The following PYGL variants were observed in gnomAD, a reference collection of about 807,000 sequenced individuals.
PYGL encodes the protein glycogen phosphorylase L.
Under a neutral mutation model 100.1 loss-of-function variants are expected in PYGL, and 90 were observed. The observed-to-expected ratio is 0.90, with a 90% confidence interval of 0.76 to 1.07. The LOEUF (loss-of-function observed/expected upper bound fraction) is 1.07. Among genes scored for constraint, PYGL ranks in the 50% least tolerant of loss-of-function variants. PYGL has a pLI of 0.00. For missense variants in PYGL, 1,016 were observed against 1,057.6 expected, an observed-to-expected ratio of 0.96 and a Z score of 0.55; for synonymous variants, 373 against 393.0, an observed-to-expected ratio of 0.95 and a Z score of 0.60.
chr14:50,918,055 G>GTC (rs957125771), intron 7 of PYGL, among the ~76,000 whole-genome samples: 7 of 152,064 alleles, frequency 4.6e-5, no homozygotes, highest in Admixed American at 1.3e-4. Context: ...GAAGATATAT[G>GTC]AACAGCCAAC....
chr14:50,937,959 G>T, intron 1 of PYGL, 122 bp from the exon 2 acceptor site: 1 of 881,214 alleles, frequency 1.1e-6, no homozygotes, highest in Non-Finnish European at 1.8e-6. Context: ...TGTCACCACA[G>T]GTTCGAATGA....
chr14:50,923,878 T>G, intron 5 of PYGL, 91 bp downstream of exon 5: 1 of 1,449,728 alleles, frequency 6.9e-7, no homozygotes, highest in East Asian at 2.3e-5. Flanking sequence ...TGCCCTATAC[T>G]CAATATCACC....
chr14:50,913,403 G>T (rs151300082), intron 12 of PYGL: 3,773 of 162,120 alleles, frequency 0.023, 70 homozygotes, highest in Non-Finnish European at 0.033. Flanking sequence ...ATGGAGTCTC[G>T]CTCTGTCGCC....
intron 5 of PYGL, chr14:50,923,712 A>C: frequency 3.5e-6 from 1 of 287,536 alleles, no homozygotes; most frequent in South Asian, 5.0e-5. Context: ...AAAAAAAAGA[A>C]CTGACAATTT....
rs140296036 is a variant in PYGL at position 50,911,779 on chromosome 14, C to T, written c.1920G>A (p.Lys640=). The change falls in exon 16 of 20, where the codon AAG becomes AAA. Residue 640 remains lysine, a synonymous_variant. Coordinates refer to ENST00000216392, the MANE Select transcript of PYGL (RefSeq NM_002863.5). ...VVNNDPMVGS[K]LKVIFLENYR... ...AGTTCTCCAAGAAGATGACTTTCAACTTGCTTCCAACCATAGGGTCATTGT... is the reference window on the plus strand; with the variant it reads ...AGTTCTCCAAGAAGATGACTTTCAATTTGCTTCCAACCATAGGGTCATTGT... 847 of 1,614,174 alleles carry T rather than the reference C, an allele frequency of 5.2e-4. 2 individuals are homozygous for T. Among genetic ancestry groups the T allele is most frequent in the Non-Finnish European group, 6.8e-4 (806 of 1,180,014 alleles).
At chr14:50,926,812 C>T (rs550888924) in intron 4 of PYGL, among the ~76,000 whole-genome samples, 1 of 145,850 alleles carries the variant, frequency 6.9e-6, no homozygotes, top group Admixed American at 6.9e-5. Context: ...AAAATGATGA[C>T]ATCAACAAAG....
intron 3 of PYGL, 29 bp from the exon 4 acceptor site, chr14:50,931,805 T>C (rs1195035155): frequency 3.1e-6 from 5 of 1,599,160 alleles, no homozygotes; most frequent in East Asian, 2.2e-5. Context: ...AGGCAAAAGA[T>C]AGAGTCATTA....
chr14:50,935,144 ATCT>A lies in PYGL; in HGVS notation c.384_386del (p.Glu128del). On this transcript the variant is annotated inframe_deletion, in exon 3 of 20. Transcript: ENST00000216392. ...CAAGACCACCATTGCCAAGTCCAGCATCTTCTTCAATTTCTTCTAACTCTTCTA... is the reference window on the plus strand; with the variant it reads ...CAAGACCACCATTGCCAAGTCCAGCATCTTCAATTTCTTCTAACTCTTCTA... The A allele has an allele frequency of 6.2e-7, 1 of 1,613,070 alleles. No individual in the cohort carries two copies. Among genetic ancestry groups the A allele is most frequent in the South Asian group, 1.1e-5 (1 of 91,062 alleles).
chr14:50,929,258 G>T (rs1366067188), intron 4 of PYGL, among the ~76,000 whole-genome samples: 1 of 152,054 alleles, frequency 6.6e-6, no homozygotes, highest in Non-Finnish European at 1.5e-5. Flanking sequence ...TCACCATGTT[G>T]GCTAGGCTGG....
intron 4 of PYGL, among the ~76,000 whole-genome samples, chr14:50,929,298 C>A (rs10146475): frequency 0.17 from 25,419 of 152,130 alleles, 2,788 homozygotes; most frequent in East Asian, 0.45. Flanking sequence ...AATGATCCAC[C>A]CACCTCGGCC....
chr14:50,940,019 G>A (rs761539582), intron 1 of PYGL, among the ~76,000 whole-genome samples: 27 of 152,044 alleles, frequency 1.8e-4, no homozygotes, highest in African/African-American at 2.4e-5. Context: ...CATCATCTTC[G>A]TTTTCATCCA....
At chr14:50,925,187 T>C (rs990764371) in intron 4 of PYGL, among the ~76,000 whole-genome samples, 4 of 152,230 alleles carry the variant, frequency 2.6e-5, no homozygotes, top group African/African-American at 4.8e-5. Context: ...CTATAGGTAA[T>C]GGTAACACGA....
chr14:50,917,496 T>C (rs2050464285), intron 7 of PYGL, among the ~76,000 whole-genome samples: 1 of 152,186 alleles, frequency 6.6e-6, no homozygotes, highest in South Asian at 2.1e-4. Context: ...GAATTGGTAG[T>C]ACCAAGTACT....
chr14:50,934,989 G>A lies in PYGL; in HGVS notation c.424+118C>T, dbSNP rs1596050302. The A allele has an allele frequency of 8.9e-6, 8 of 899,584 alleles. No homozygotes were observed. The East Asian group carries it at 2.0e-4, about 22-fold the overall frequency. The allele number at this position is 899,584 out of a possible 1,614,324, so 55.7% of individuals were successfully genotyped here. On this transcript the variant is annotated intron_variant, in intron 3 of 19. Coordinates refer to ENST00000216392, the MANE Select transcript of PYGL (RefSeq NM_002863.5). ...TCAAGAACAAATACATCTACAACCA[G>A]GTCATACCTTGCGCTTCTTCTAGGA...
chr14:50,911,954 C>T (rs775804464), intron 15 of PYGL, 24 bp downstream of exon 15: 1 of 1,612,764 alleles, frequency 6.2e-7, no homozygotes, highest in Non-Finnish European at 8.5e-7. Flanking sequence ...GCCCTCAAGT[C>T]CCCATTGAAT....
At chr14:50,923,748 C>A in intron 5 of PYGL, 2 of 349,954 alleles carry the variant, frequency 5.7e-6, no homozygotes, top group Non-Finnish European at 9.8e-6. Flanking sequence ...TGCAAAATGA[C>A]CCTTATAAAA....
intron 7 of PYGL, 102 bp downstream of exon 7, chr14:50,920,439 T>G (rs1362897966): frequency 5.2e-6 from 6 of 1,156,394 alleles, no homozygotes; most frequent in African/African-American, 1.5e-5. Flanking sequence ...GTTCTGCACA[T>G]GGAAAAACAT....
intron 3 of PYGL, among the ~76,000 whole-genome samples, chr14:50,934,578 G>A (rs979784291): frequency 3.3e-5 from 5 of 151,872 alleles, no homozygotes; most frequent in Non-Finnish European, 5.9e-5. Context: ...ATATATATAT[G>A]TGTATGTGTG....
chr14:50,912,343 A>G, intron 13 of PYGL, 40 bp from the exon 14 acceptor site: 1 of 1,607,140 alleles, frequency 6.2e-7, no homozygotes, highest in Non-Finnish European at 8.5e-7. Flanking sequence ...CTTTTGGCCT[A>G]GAAGAATTGG....
Sources: allele counts gnomAD v4.1 joint callset (sites outside exome capture counted in the v4.1 genomes callset), GRCh38; gene constraint gnomAD v4.1.1; transcripts MANE v1.5; gene names NCBI Gene and HGNC (gene_info 2026-07-23, HGNC 2026-07-21).